Variants in PHF3 observed in about 807,000 individuals in gnomAD.
The protein encoded by PHF3 is PHD finger protein 3.
Under a neutral mutation model 178.4 loss-of-function variants are expected in PHF3, and 41 were observed. That is an observed-to-expected ratio of 0.23 (90% confidence interval 0.18 to 0.30). The LOEUF (loss-of-function observed/expected upper bound fraction) is 0.30, where lower values mean the gene tolerates loss of function less well. Among genes scored for constraint, PHF3 ranks in the 10% least tolerant of loss-of-function variants. PHF3 has a pLI of 1.00. For missense variants in PHF3, 2,346 were observed against 2,398.1 expected, an observed-to-expected ratio of 0.98 and a Z score of 0.45; for synonymous variants, 842 against 800.5, an observed-to-expected ratio of 1.05 and a Z score of -0.88.
At position 63,713,654 on chromosome 6, in the gene PHF3, G is replaced by GA; in HGVS notation, c.6066_6067insA (p.Asp2023ArgfsTer2). 1 of 1,604,612 alleles carries GA rather than the reference G, an allele frequency of 6.2e-7. No individual in the cohort carries two copies. Among genetic ancestry groups the GA allele is most frequent in the Non-Finnish European group, 8.5e-7 (1 of 1,177,464 alleles). ...AACACAGAGAAGGAGAAAAGGACAG[G>GA]GATAGGTACCACAAAGATAGGGACC... is the stretch of plus-strand genomic sequence containing the variant. On this transcript the variant is annotated frameshift_variant, in exon 16 of 16. Transcript: ENST00000262043. LOFTEE classifies it high-confidence loss of function.
chr6:63,669,225 A>C (rs530498195), intron 2 of PHF3, among the ~76,000 whole-genome samples: 1 of 152,250 alleles, frequency 6.6e-6, no homozygotes, highest in Non-Finnish European at 1.5e-5. Context: ...TTAAAAAACT[A>C]TATTGATAAT....
At chr6:63,689,241 A>G (rs1002354281) in intron 4 of PHF3, among the ~76,000 whole-genome samples, 1 of 152,186 alleles carries the variant, frequency 6.6e-6, no homozygotes, top group African/African-American at 2.4e-5. Context: ...GGCATTTTGT[A>G]AGGAGGAAGT....
Position 63,725,231 on chromosome 6 carries a change from C to G in PHF3, c.*11523C>G, listed in dbSNP as rs550313140. 5.9e-5 allele frequency among the ~76,000 whole-genome samples: 9 copies of G among 152,218 alleles called. No individual in the cohort carries two copies. In the South Asian group the frequency reaches 1.2e-3, roughly 21 times the overall value. ...CATAAAAAAGGAAACTCTTGATTGTCTTGAACTACATGCATTGAATAACAG... is the reference window on the plus strand; with the variant it reads ...CATAAAAAAGGAAACTCTTGATTGTGTTGAACTACATGCATTGAATAACAG... On this transcript the variant is annotated 3_prime_UTR_variant, in exon 16 of 16. Transcript: ENST00000262043.
chr6:63,672,976 G>A (rs993676362), intron 2 of PHF3, among the ~76,000 whole-genome samples: 4 of 152,106 alleles, frequency 2.6e-5, no homozygotes, highest in African/African-American at 9.7e-5. Flanking sequence ...GGCACCCTAG[G>A]AGTCTCTCTG....
Position 63,720,195 on chromosome 6 carries a change from T to C in PHF3, c.*6487T>C, listed in dbSNP as rs969176817. The C allele has an allele frequency of 8.2e-6, 2 of 242,746 alleles. No homozygotes were observed. The highest frequency in any genetic ancestry group is 1.6e-5 in the Non-Finnish European group (2 of 127,698). The allele number at this position is 242,746 out of a possible 1,614,324, so 15.0% of individuals were successfully genotyped here. On this transcript the variant is annotated 3_prime_UTR_variant, in exon 16 of 16. Coordinates refer to ENST00000262043, the MANE Select transcript of PHF3 (RefSeq NM_001370348.2). ...GATTAATAACTTGATTTTTTTCTTA[T>C]TTGTACCTATCCCTAATTCATTCCC...
intron 6 of PHF3, among the ~76,000 whole-genome samples, chr6:63,697,760 A>G (rs1049212917): frequency 1.3e-5 from 2 of 152,306 alleles, no homozygotes; most frequent in East Asian, 3.9e-4. Flanking sequence ...TTCTAGAATA[A>G]ATGTGCTGGT....
At chr6:63,669,453 C>T (rs1222600038) in intron 2 of PHF3, among the ~76,000 whole-genome samples, 1 of 152,168 alleles carries the variant, frequency 6.6e-6, no homozygotes, top group Non-Finnish European at 1.5e-5. Context: ...TTTTATAATA[C>T]CGTCTTAGGA....
intron 2 of PHF3, among the ~76,000 whole-genome samples, chr6:63,659,314 G>A (rs540150096): frequency 6.6e-5 from 10 of 152,098 alleles, no homozygotes; most frequent in Admixed American, 2.0e-4. Flanking sequence ...CAAAAACTCA[G>A]AAGATGATAA....
At position 63,684,125 on chromosome 6, in the gene PHF3, A is replaced by G; in HGVS notation, c.407-4A>G. ...TTTTTATTTATTTTTTCCCCCTGTGATAGAACAAGTAAGAAGTTTGCGACA... is the reference window on the plus strand; with the variant it reads ...TTTTTATTTATTTTTTCCCCCTGTGGTAGAACAAGTAAGAAGTTTGCGACA... On this transcript the variant is annotated splice_region_variant and splice_polypyrimidine_tract_variant and intron_variant, in intron 3 of 15. Coordinates refer to ENST00000262043, the MANE Select transcript of PHF3 (RefSeq NM_001370348.2). The G allele has an allele frequency of 3.8e-6, 6 of 1,578,066 alleles. No individual in the cohort carries two copies. The highest frequency in any genetic ancestry group is 4.3e-6 in the Non-Finnish European group (5 of 1,166,134).
chr6:63,676,199 T>C (rs1453837369), intron 2 of PHF3, among the ~76,000 whole-genome samples: 1 of 152,240 alleles, frequency 6.6e-6, no homozygotes, highest in African/African-American at 2.4e-5. Flanking sequence ...AATTCTTTTA[T>C]TCAGCAAATA....
At chr6:63,644,955 G>A (rs1045657897) in intron 1 of PHF3, among the ~76,000 whole-genome samples, 1 of 150,548 alleles carries the variant, frequency 6.6e-6, no homozygotes, top group African/African-American at 2.4e-5. Flanking sequence ...GGTTGATTTC[G>A]CTGCAACCTC....
Position 63,713,900 on chromosome 6 carries a change from A to G in PHF3, c.*192A>G, listed in dbSNP as rs1407099776. On this transcript the variant is annotated 3_prime_UTR_variant, in exon 16 of 16. Coordinates refer to ENST00000262043, the MANE Select transcript of PHF3 (RefSeq NM_001370348.2). ...TGCTCATCATCCCTTCTTCATACCA[A>G]CGGTCCCTAGTTATAGGAATTTAAT... 1 of 430,954 alleles carries G rather than the reference A, an allele frequency of 2.3e-6. No individual in the cohort carries two copies. The highest frequency in any genetic ancestry group is 4.1e-6 in the Non-Finnish European group (1 of 244,568). 26.7% of individuals were successfully genotyped at this position (430,954 alleles called of 1,614,324 possible).
chr6:63,659,128 G>A (rs973714681), intron 2 of PHF3, among the ~76,000 whole-genome samples: 2 of 152,120 alleles, frequency 1.3e-5, no homozygotes, highest in Non-Finnish European at 2.9e-5. Context: ...CCAAGTTGAC[G>A]TATAAAGTGA....
rs561539302 is a variant in PHF3, at chr6:63,684,980, A to G, written c.1258A>G (p.Asn420Asp). ...QLESTEFNKS[N>D]LEVVDTSTFG... ...GGAGAGCACTGAGTTTAATAAATCA[A>G]ACTTAGAGGTGGTTGATACTAGTAC... Residue 420 changes from asparagine (N) to aspartate (D), a missense_variant, in exon 4 of 16, where the codon AAC becomes GAC. Asn to Asp is a conservative substitution (Grantham distance 23). Coordinates refer to ENST00000262043, the MANE Select transcript of PHF3 (RefSeq NM_001370348.2). The G allele has an allele frequency of 1.5e-4, 239 of 1,614,104 alleles. 5 individuals are homozygous for G. In the South Asian group the frequency reaches 2.5e-3, roughly 17 times the overall value.
chr6:63,695,662 A>G (rs770239253), intron 6 of PHF3, among the ~76,000 whole-genome samples: 1 of 152,158 alleles, frequency 6.6e-6, no homozygotes, highest in African/African-American at 2.4e-5. Flanking sequence ...CAGGAGAGAA[A>G]GAGAGTAGCC....
At chr6:63,691,665 T>G (rs1440562822) in intron 4 of PHF3, 72 bp from the exon 5 acceptor site, 1 of 1,280,592 alleles carries the variant, frequency 7.8e-7, no homozygotes, top group Non-Finnish European at 1.1e-6. Context: ...AAAATTTAAT[T>G]TAGCCTCATT....
At chr6:63,641,554 G>A (rs1043902450) in intron 1 of PHF3, among the ~76,000 whole-genome samples, 2 of 151,594 alleles carry the variant, frequency 1.3e-5, no homozygotes, top group African/African-American at 4.9e-5. Flanking sequence ...GTGTGTGTGT[G>A]TGTGTGTGTG....
At chr6:63,637,032 C>G (rs2149531213) in intron 1 of PHF3, among the ~76,000 whole-genome samples, 1 of 152,184 alleles carries the variant, frequency 6.6e-6, no homozygotes, top group Admixed American at 6.5e-5. Context: ...GTTATTAGTG[C>G]TTTCCAGTAG....
intron 1 of PHF3, among the ~76,000 whole-genome samples, 168 bp downstream of exon 1, chr6:63,636,318 G>A (rs1157021193): frequency 2.0e-5 from 3 of 152,156 alleles, no homozygotes; most frequent in Non-Finnish European, 4.4e-5. Context: ...CTTGCGCAAC[G>A]TCCTCGGCCT....
Sources: gnomAD v4.1 joint callset for allele counts (sites outside exome capture counted in the v4.1 genomes callset) on GRCh38, gnomAD v4.1.1 for gene constraint, MANE v1.5 for transcripts, NCBI Gene and HGNC (gene_info 2026-07-23, HGNC 2026-07-21) for gene names.